TEX15: variants seen among roughly 807,000 people sequenced by gnomAD.
The protein encoded by TEX15 is testis-expressed protein 15.
A neutral mutation model predicts 237.3 loss-of-function variants in TEX15; 171 were observed. The ratio of observed to expected loss-of-function variants is 0.72; its 90% CI spans 0.64 to 0.82. TEX15 has a LOEUF of 0.82. Ranked by LOEUF, TEX15 falls within the 40% of genes least tolerant of loss-of-function variation. The pLI is 0.00. For missense variants in TEX15, 3,750 were observed against 3,646.5 expected (o/e 1.03, Z -0.73); for synonymous variants, 1,338 against 1,269.8 (o/e 1.05, Z -1.14).
At chr8:30,833,455 T>C (rs1340398336) in intron 10 of TEX15, 132 bp from the exon 11 acceptor site, 6 of 593,706 alleles carry the variant, frequency 1.0e-5, no homozygotes, top group Admixed American at 3.6e-5. Context: ...TAAGTAGCCA[T>C]AGGGTCATCA....
chr8:30,909,202 T>C (rs1056894025), intron 1 of TEX15, among the ~76,000 whole-genome samples: 2 of 152,258 alleles, frequency 1.3e-5, no homozygotes, highest in South Asian at 4.1e-4. Flanking sequence ...TTAGTTACAG[T>C]AGCTTAATTA....
intron 7 of TEX15, among the ~76,000 whole-genome samples, chr8:30,851,280 C>T (rs1414998620): frequency 1.3e-5 from 2 of 152,140 alleles, no homozygotes; most frequent in Non-Finnish European, 2.9e-5. Flanking sequence ...TATGAGCATA[C>T]GTTATAACAA....
At chr8:30,880,350 G>A (rs895714959) in intron 3 of TEX15, among the ~76,000 whole-genome samples, 6 of 152,124 alleles carry the variant, frequency 3.9e-5, no homozygotes, top group African/African-American at 1.4e-4. Context: ...ATTTTAAATG[G>A]TATTTTAAAA....
Position 30,843,681 on chromosome 8 carries a change from T to C in TEX15, c.6486A>G (p.Ser2162=), listed in dbSNP as rs1436932246. Residue 2162 remains serine, a synonymous_variant, in exon 8 of 11, where the codon TCA becomes TCG. Coordinates refer to ENST00000643185, the MANE Select transcript of TEX15 (RefSeq NM_001350162.2). ...LLEETKREKN[S]YYVFLKYKRQ... ...GTTTGTACTTTAAGAATACATAGTA[T>C]GAATTCTTTTCCCTTTTTGTTTCTT... 1 of 1,612,344 alleles carries C rather than the reference T, an allele frequency of 6.2e-7. No homozygotes were observed. The highest frequency in any genetic ancestry group is 8.5e-7 in the Non-Finnish European group (1 of 1,179,420).
At position 30,877,249 on chromosome 8, in the gene TEX15, T is replaced by C. The variant is rs538203356; in HGVS notation, c.137-2147A>G. Among the ~76,000 whole-genome samples the C allele has an allele frequency of 1.4e-4, 21 of 152,310 alleles. No homozygotes were observed. The South Asian group carries it at 2.9e-3, about 21-fold the overall frequency. ...CCCTACGTGCATGTCTGTGAAAGCA[T>C]TGCTGAGTAACAAGTTCGGACAAAA... On this transcript the variant is annotated intron_variant, in intron 3 of 10. Transcript: ENST00000643185.
At chr8:30,901,247 T>C (rs1304577853) in intron 1 of TEX15, among the ~76,000 whole-genome samples, 1 of 152,206 alleles carries the variant, frequency 6.6e-6, no homozygotes, top group Non-Finnish European at 1.5e-5. Context: ...CTGCAGAAGA[T>C]TAATCTGCAC....
intron 8 of TEX15, 64 bp downstream of exon 8, chr8:30,841,940 G>T: frequency 1.7e-6 from 2 of 1,176,630 alleles, no homozygotes; most frequent in Non-Finnish European, 2.4e-6. Context: ...CTACTTGTTT[G>T]CTTATGAGTA....
At chr8:30,864,597 G>A (rs1468573563) in intron 5 of TEX15, among the ~76,000 whole-genome samples, 27 of 145,816 alleles carry the variant, frequency 1.9e-4, no homozygotes, top group Non-Finnish European at 3.9e-4. Context: ...GAAGAAATAG[G>A]AGGGATAATT....
intron 5 of TEX15, among the ~76,000 whole-genome samples, chr8:30,865,536 T>C (rs1470274220): frequency 1.3e-5 from 2 of 152,104 alleles, no homozygotes; most frequent in Non-Finnish European, 2.9e-5. Flanking sequence ...TGAACAGAGA[T>C]GTAAAAATCC....
At chr8:30,855,259 A>C (rs1807885268) in intron 7 of TEX15, among the ~76,000 whole-genome samples, 1 of 152,218 alleles carries the variant, frequency 6.6e-6, no homozygotes, top group Admixed American at 6.5e-5. Context: ...GATACACTAT[A>C]ATTACACAAA....
Position 30,844,293 on chromosome 8 carries a change from C to G in TEX15, c.5874G>C (p.Thr1958=), listed in dbSNP as rs949868929. 1 of 1,613,250 alleles carries G rather than the reference C, an allele frequency of 6.2e-7. No individual in the cohort carries two copies. Among genetic ancestry groups the G allele is most frequent in the Admixed American group, 1.7e-5 (1 of 59,970 alleles). Reference sequence around the variant, plus strand: ...TTTCAGAGTGGGCAGGTAAAATAGGCGTATGATTAACTCCTAGAATTCCTG... The same window carrying G: ...TTTCAGAGTGGGCAGGTAAAATAGGGGTATGATTAACTCCTAGAATTCCTG... ...SKPGILGVNH[T]PILPAHSETC... is the part of the protein sequence containing the mutation. The change falls in exon 8 of 11, where the codon ACG becomes ACC. Residue 1958 remains threonine, a synonymous_variant. Transcript: ENST00000643185.
chr8:30,847,199 C>A lies in TEX15; in HGVS notation c.2968G>T (p.Ala990Ser), dbSNP rs546659255. 5 of 1,613,938 alleles carry A rather than the reference C, an allele frequency of 3.1e-6. No individual in the cohort carries two copies. The highest frequency in any genetic ancestry group is 2.7e-5 in the African/African-American group (2 of 75,042). Residue 990 changes from alanine to serine, a missense_variant, in exon 8 of 11, where the codon GCT becomes TCT. Coordinates refer to ENST00000643185, the MANE Select transcript of TEX15 (RefSeq NM_001350162.2). ...TTTAGGCTTAATGCAGGCATAGTAG[C>A]ACTAGCTATCTGTATTGCAGCATTT... is the stretch of plus-strand genomic sequence containing the variant. ...ASNAAIQIAS[A>S]TMPALSLNND...
intron 4 of TEX15, among the ~76,000 whole-genome samples, chr8:30,870,136 T>C (rs979347226): frequency 6.6e-6 from 1 of 151,938 alleles, no homozygotes; most frequent in African/African-American, 2.4e-5. Context: ...GTTTTTAATT[T>C]TGGTCATTAC....
chr8:30,844,988 C>G lies in TEX15; in HGVS notation c.5179G>C (p.Asp1727His), dbSNP rs573786211. The G allele has an allele frequency of 6.2e-7, 1 of 1,613,586 alleles. No homozygotes were observed. Among genetic ancestry groups the G allele is most frequent in the South Asian group, 1.1e-5 (1 of 91,072 alleles). Residue 1727 changes from aspartate to histidine, a missense_variant, in exon 8 of 11, where the codon GAT becomes CAT. Transcript: ENST00000643185. ...GATTTTGAAGATTCTCCCTCACTAT[C>G]TGTCACTGCAGCGGCTGATAACTGA... Reference protein sequence around the residue: ...IPQLSAAAVTDSEGESSKSYL... With the variant: ...IPQLSAAAVTHSEGESSKSYL...
Position 30,860,058 on chromosome 8 carries a change from C to CG in TEX15, c.541-2_541-1insC. The CG allele has an allele frequency of 7.0e-7, 1 of 1,420,774 alleles. No homozygotes were observed. Among genetic ancestry groups the CG allele is most frequent in the South Asian group, 1.5e-5 (1 of 67,196 alleles). The allele number at this position is 1,420,774 out of a possible 1,614,324, so 88.0% of individuals were successfully genotyped here. On this transcript the variant is annotated splice_acceptor_variant, in intron 5 of 10. Transcript: ENST00000643185. LOFTEE classifies it high-confidence loss of function. ...TTTTCTTCACTTTTCCAAAGAGAAC[C>CG]TAAAAAAAAAAAAGCCAAAAAAAAA... is the stretch of plus-strand genomic sequence containing the variant.
At chr8:30,900,055 T>G (rs1442682876) in intron 1 of TEX15, among the ~76,000 whole-genome samples, 3 of 152,206 alleles carry the variant, frequency 2.0e-5, no homozygotes. Context: ...CTTTTTTCTT[T>G]TCTCCAAGTT....
At chr8:30,838,226 C>T (rs1432280468) in intron 9 of TEX15, among the ~76,000 whole-genome samples, 165 bp from the exon 10 acceptor site, 1 of 152,100 alleles carries the variant, frequency 6.6e-6, no homozygotes, top group Non-Finnish European at 1.5e-5. Context: ...AGTTTGACTG[C>T]CGTGGTTTGG....
At chr8:30,901,514 T>G (rs1809006029) in intron 1 of TEX15, among the ~76,000 whole-genome samples, 1 of 152,200 alleles carries the variant, frequency 6.6e-6, no homozygotes. Flanking sequence ...AACAACTGTG[T>G]TTAGCTGTGA....
At position 30,844,400 on chromosome 8, in the gene TEX15, C is replaced by T. The variant is rs1807541550; in HGVS notation, c.5767G>A (p.Glu1923Lys). The T allele has an allele frequency of 3.1e-6, 5 of 1,610,600 alleles. No homozygotes were observed. Among genetic ancestry groups the T allele is most frequent in the Non-Finnish European group, 4.2e-6 (5 of 1,178,748 alleles). Residue 1923 changes from glutamate (E) to lysine (K), a missense_variant, in exon 8 of 11, where the codon GAG becomes AAG. Coordinates refer to ENST00000643185, the MANE Select transcript of TEX15 (RefSeq NM_001350162.2). ...NTVSNPLNKR[E>K]KKGEIKVSKD... is the part of the protein sequence containing the mutation. ...CTAACTTTAATTTCCCCCTTCTTCT[C>T]TCTTTTGTTAAGCGGATTAGAAACT...
Sources: gnomAD v4.1 joint callset for allele counts (sites outside exome capture counted in the v4.1 genomes callset) on GRCh38, gnomAD v4.1.1 for gene constraint, MANE v1.5 for transcripts, NCBI Gene and HGNC (gene_info 2026-07-23, HGNC 2026-07-21) for gene names.